The following SLC44A5 variants were observed in gnomAD, a reference collection of about 807,000 sequenced individuals.
SLC44A5 encodes choline transporter-like protein 5.
In SLC44A5, 57 loss-of-function variants were observed where a neutral mutation model predicts 101.8. The observed-to-expected ratio is 0.56, with a 90% CI of 0.45 to 0.70. The LOEUF is 0.70. Among genes scored for constraint, SLC44A5 ranks in the 30% least tolerant of loss-of-function variants. The pLI is 0.00. For missense variants in SLC44A5, 737 were observed against 853.1 expected, an observed-to-expected ratio of 0.86 and a Z score of 1.70; for synonymous variants, 281 against 290.9, an observed-to-expected ratio of 0.97 and a Z score of 0.35.
chr1:75,317,545 AT>A (rs2100941060), intron 4 of SLC44A5, among the ~76,000 whole-genome samples: 1 of 152,296 alleles, frequency 6.6e-6, no homozygotes, highest in African/African-American at 2.4e-5. Flanking sequence ...AAGATACACA[AT>A]TTAAAAGCAC....
chr1:75,266,829 C>A (rs530467993), intron 6 of SLC44A5, among the ~76,000 whole-genome samples: 19 of 152,170 alleles, frequency 1.2e-4, no homozygotes, highest in African/African-American at 3.6e-4. Context: ...GGGCCCAGCC[C>A]GGGAAGATAA....
chr1:75,456,474 C>T (rs927231866), intron 2 of SLC44A5, among the ~76,000 whole-genome samples: 1 of 152,128 alleles, frequency 6.6e-6, no homozygotes, highest in East Asian at 1.9e-4. Context: ...GGTAACAAGC[C>T]TGCACTTGTA....
At chr1:75,453,733 T>C (rs1000153496) in intron 2 of SLC44A5, among the ~76,000 whole-genome samples, 3 of 151,832 alleles carry the variant, frequency 2.0e-5, no homozygotes, top group African/African-American at 7.3e-5. Context: ...GCCAATCCCA[T>C]AGAAATACAA....
At chr1:75,317,188 T>C (rs1655758147) in intron 4 of SLC44A5, among the ~76,000 whole-genome samples, 1 of 152,206 alleles carries the variant, frequency 6.6e-6, no homozygotes, top group East Asian at 1.9e-4. Context: ...AAGTGTCATT[T>C]AACATGGACT....
At chr1:75,629,750 A>G in the SLC44A5 span, among the ~76,000 whole-genome samples, 1 of 152,234 alleles carries the variant, frequency 6.6e-6, no homozygotes, top group Non-Finnish European at 1.5e-5. Context: ...ACCATGCTGG[A>G]AGTAAGCAGA....
chr1:75,327,743 T>C (rs887433098), intron 4 of SLC44A5, among the ~76,000 whole-genome samples: 6 of 152,218 alleles, frequency 3.9e-5, no homozygotes, highest in Non-Finnish European at 7.3e-5. Context: ...AAATTTAATA[T>C]ATTTCCCCAT....
At chr1:75,448,520 G>C (rs1306007105) in intron 2 of SLC44A5, among the ~76,000 whole-genome samples, 1 of 152,172 alleles carries the variant, frequency 6.6e-6, no homozygotes, top group African/African-American at 2.4e-5. Context: ...TGGAAGAAAG[G>C]AATAATAGAT....
chr1:75,340,701 A>G (rs1299737287), intron 3 of SLC44A5, among the ~76,000 whole-genome samples: 1 of 152,188 alleles, frequency 6.6e-6, no homozygotes, highest in African/African-American at 2.4e-5. Context: ...GCCATGGCCA[A>G]CTGGATCTGG....
the SLC44A5 span, among the ~76,000 whole-genome samples, chr1:75,687,096 AAAAC>A: frequency 6.6e-6 from 1 of 152,158 alleles, no homozygotes; most frequent in Admixed American, 6.5e-5. Flanking sequence ...TAGGGTCTGA[AAAAC>A]AGGATGTGTG....
intron 3 of SLC44A5, among the ~76,000 whole-genome samples, chr1:75,346,762 A>C (rs1023364580): frequency 6.6e-6 from 1 of 152,114 alleles, no homozygotes; most frequent in African/African-American, 2.4e-5. Context: ...GCTCAACATG[A>C]ATCACTCAAA....
chr1:75,545,078 A>G (rs1671571969), intron 1 of SLC44A5, among the ~76,000 whole-genome samples: 1 of 151,180 alleles, frequency 6.6e-6, no homozygotes, highest in African/African-American at 2.4e-5. Flanking sequence ...TCATTGTTCA[A>G]CTCCCACTTA....
At chr1:75,619,246 A>G in the SLC44A5 span, among the ~76,000 whole-genome samples, 6 of 151,498 alleles carry the variant, frequency 4.0e-5, no homozygotes, top group African/African-American at 1.2e-4. Context: ...GGAGGGAGGA[A>G]GGGAGGAAGG....
At chr1:75,487,191 A>G (rs1357673292) in intron 2 of SLC44A5, among the ~76,000 whole-genome samples, 1 of 152,194 alleles carries the variant, frequency 6.6e-6, no homozygotes, top group Non-Finnish European at 1.5e-5. Flanking sequence ...TGAAGGGACA[A>G]CAGACAATAA....
At chr1:75,328,492 T>C (rs1287655496) in intron 4 of SLC44A5, among the ~76,000 whole-genome samples, 1 of 152,080 alleles carries the variant, frequency 6.6e-6, no homozygotes, top group African/African-American at 2.4e-5. Context: ...TATCTAAGAA[T>C]AGGAGATAGA....
chr1:75,441,822 G>A (rs1359890105), intron 2 of SLC44A5, among the ~76,000 whole-genome samples: 1 of 152,062 alleles, frequency 6.6e-6, no homozygotes, highest in Non-Finnish European at 1.5e-5. Context: ...TATACTATTA[G>A]ATAGTGTATA....
the SLC44A5 span, among the ~76,000 whole-genome samples, chr1:75,717,619 A>T: frequency 1.3e-4 from 20 of 152,154 alleles, no homozygotes; most frequent in South Asian, 4.1e-4. Context: ...TAATTTTTTT[A>T]AAAAAATAAG....
the SLC44A5 span, chr1:75,641,671 A>G: frequency 6.7e-7 from 1 of 1,497,934 alleles, no homozygotes; most frequent in Non-Finnish European, 9.3e-7. Context: ...CTTGAAGAAT[A>G]CTATATACCT....
At chr1:75,637,489 C>T in the SLC44A5 span, among the ~76,000 whole-genome samples, 1 of 151,772 alleles carries the variant, frequency 6.6e-6, no homozygotes, top group Admixed American at 6.6e-5. Context: ...TAGAGGTTAC[C>T]AGGGGCTAGT....
chr1:75,668,179 A>T, the SLC44A5 span, among the ~76,000 whole-genome samples: 1 of 152,156 alleles, frequency 6.6e-6, no homozygotes, highest in Non-Finnish European at 1.5e-5. Flanking sequence ...AACAAGTTAT[A>T]TCACTCCAGG....
Sources: gnomAD v4.1 joint callset for allele counts (sites outside exome capture counted in the v4.1 genomes callset) on GRCh38, gnomAD v4.1.1 for gene constraint, MANE v1.5 for transcripts, NCBI Gene and HGNC (gene_info 2026-07-23, HGNC 2026-07-21) for gene names.